DPP6: variants seen among roughly 807,000 people sequenced by gnomAD.
DPP6 encodes the protein dipeptidyl peptidase like 6, also known as A-type potassium channel modulatory protein DPP6.
Under a neutral mutation model 122.6 loss-of-function variants are expected in DPP6, and 69 were observed. The ratio of observed to expected loss-of-function variants is 0.56; its 90% confidence interval spans 0.46 to 0.69. The LOEUF (loss-of-function observed/expected upper bound fraction) is 0.69, where lower values mean the gene tolerates loss of function less well. DPP6 is among the 30% of genes least tolerant of loss of function. DPP6 has a pLI of 0.00. For synonymous variants in DPP6, 418 were observed against 433.1 expected (o/e 0.97, Z 0.43); for missense variants, 928 against 1,116.9 (o/e 0.83, Z 2.41).
chr7:154,232,233 G>A (rs1800961126), intron 1 of DPP6, among the ~76,000 whole-genome samples: 1 of 152,152 alleles, frequency 6.6e-6, no homozygotes, highest in Non-Finnish European at 1.5e-5. Context: ...GTACTATCCA[G>A]TCAAGTGTAG....
At position 154,635,052 on chromosome 7, in the gene DPP6, C is replaced by T. The variant is rs139810284; in HGVS notation, c.628-2769C>T. 2.9e-3 allele frequency among the ~76,000 whole-genome samples: 434 copies of T among 152,212 alleles called. 12 individuals carry two copies. The highest frequency in any genetic ancestry group is 6.5e-3 in the African/African-American group (270 of 41,516). On this transcript the variant is annotated intron_variant, in intron 5 of 25. Transcript: ENST00000377770. The stretch of plus-strand genomic sequence containing the variant: ...ACACGGACTTCTGACTTGAGAGTTA[C>T]GAGATACAAGCTTGGTTCAGGCAAT...
chr7:154,212,925 A>C (rs1344550141), intron 1 of DPP6, among the ~76,000 whole-genome samples: 1 of 152,188 alleles, frequency 6.6e-6, no homozygotes, highest in African/African-American at 2.4e-5. Flanking sequence ...TCCCAAGGAC[A>C]AGTTTAGCCC....
the DPP6 span, among the ~76,000 whole-genome samples, chr7:153,762,890 T>G: frequency 6.6e-6 from 1 of 152,172 alleles, no homozygotes; most frequent in Non-Finnish European, 1.5e-5. Context: ...GAACAAGCAC[T>G]CCTAGGGGAA....
At chr7:153,932,111 A>C (rs1801195794) in intron 1 of DPP6, among the ~76,000 whole-genome samples, 1 of 139,076 alleles carries the variant, frequency 7.2e-6, no homozygotes, top group African/African-American at 2.7e-5. Context: ...GCTTTGATTT[A>C]TCATTTTGTG....
chr7:154,524,552 A>C (rs958125117), intron 3 of DPP6, among the ~76,000 whole-genome samples: 1 of 152,126 alleles, frequency 6.6e-6, no homozygotes, highest in Non-Finnish European at 1.5e-5. Flanking sequence ...CTCTTCTTGG[A>C]TGACTGGAGC....
intron 1 of DPP6, among the ~76,000 whole-genome samples, chr7:154,386,962 G>A (rs564912918): frequency 2.0e-5 from 3 of 152,204 alleles, no homozygotes; most frequent in South Asian, 2.1e-4. Flanking sequence ...GTGAGCAAGC[G>A]TGCAGGGTGC....
chr7:154,551,489 T>C (rs890332371), intron 4 of DPP6, among the ~76,000 whole-genome samples: 2 of 152,184 alleles, frequency 1.3e-5, no homozygotes, highest in Admixed American at 1.3e-4. Context: ...AATTGTTCAA[T>C]TAAGCATTTC....
chr7:153,931,807 T>C (rs1801183318), intron 1 of DPP6, among the ~76,000 whole-genome samples: 2 of 152,210 alleles, frequency 1.3e-5, no homozygotes, highest in African/African-American at 2.4e-5. Context: ...CCATAATAGA[T>C]GTGGAAAATC....
intron 1 of DPP6, among the ~76,000 whole-genome samples, chr7:154,273,429 C>T (rs1046110554): frequency 3.3e-5 from 5 of 152,298 alleles, no homozygotes; most frequent in Admixed American, 1.3e-4. Flanking sequence ...CAACAAGACA[C>T]GCTTACTCTC....
At chr7:154,051,391 G>A (rs537441863), upstream of DPP6, among the ~76,000 whole-genome samples, 1 of 149,682 alleles carries the variant, frequency 6.7e-6, no homozygotes, top group African/African-American at 2.5e-5. Context: ...CGCGTGCCCA[G>A]CAACTCCAGA....
At chr7:154,280,457 A>G (rs755654401) in intron 1 of DPP6, among the ~76,000 whole-genome samples, 102 of 152,234 alleles carry the variant, frequency 6.7e-4, no homozygotes, top group Non-Finnish European at 1.1e-3. Context: ...TCCCCCTTCC[A>G]TCTTCGACTT....
At chr7:154,826,445 G>A (rs1331245023) in intron 16 of DPP6, among the ~76,000 whole-genome samples, 4 of 152,100 alleles carry the variant, frequency 2.6e-5, no homozygotes, top group Non-Finnish European at 5.9e-5. Context: ...CTGTCTCCTA[G>A]CTGAATTGTT....
chr7:154,461,262 A>G (rs1469992698), intron 2 of DPP6, among the ~76,000 whole-genome samples: 1 of 152,134 alleles, frequency 6.6e-6, no homozygotes, highest in Non-Finnish European at 1.5e-5. Flanking sequence ...TTATCCATTC[A>G]TCTGTTGATG....
chr7:154,864,534 A>G (rs941658587), intron 17 of DPP6, among the ~76,000 whole-genome samples: 5 of 152,204 alleles, frequency 3.3e-5, no homozygotes, highest in Non-Finnish European at 7.3e-5. Flanking sequence ...TGAAGTCAAA[A>G]GAAAAGTCCT....
the DPP6 span, among the ~76,000 whole-genome samples, chr7:153,867,007 A>G: frequency 6.6e-6 from 1 of 152,090 alleles, no homozygotes; most frequent in Non-Finnish European, 1.5e-5. Context: ...CCATTGGTCG[A>G]TATCTCTGTT....
intron 1 of DPP6, among the ~76,000 whole-genome samples, chr7:154,104,762 C>G (rs1225150583): frequency 2.6e-5 from 4 of 151,876 alleles, no homozygotes; most frequent in Non-Finnish European, 5.9e-5. Context: ...AATGTAAGAT[C>G]AGATTTGAGG....
chr7:153,983,094 G>C (rs1796673864), intron 1 of DPP6, among the ~76,000 whole-genome samples: 4 of 152,360 alleles, frequency 2.6e-5, no homozygotes, highest in South Asian at 2.1e-4. Context: ...ATCCACTGCT[G>C]TCTTCAGAGC....
chr7:154,528,780 T>G (rs184937207), intron 3 of DPP6, among the ~76,000 whole-genome samples: 1 of 152,176 alleles, frequency 6.6e-6, no homozygotes, highest in Admixed American at 6.5e-5. Flanking sequence ...GGAAAAGGCA[T>G]GAAAACTGTA....
the DPP6 span, among the ~76,000 whole-genome samples, chr7:153,859,322 C>G: frequency 6.6e-6 from 1 of 152,132 alleles, no homozygotes; most frequent in Non-Finnish European, 1.5e-5. Flanking sequence ...AAACTCAAGA[C>G]ACACATTCTA....
Sources: allele counts gnomAD v4.1 joint callset (sites outside exome capture counted in the v4.1 genomes callset), GRCh38; gene constraint gnomAD v4.1.1; transcripts MANE v1.5; gene names NCBI Gene and HGNC (gene_info 2026-07-23, HGNC 2026-07-21).